The following RSRP1 variants were observed in gnomAD, a reference collection of about 807,000 sequenced individuals.
The protein encoded by RSRP1 is arginine/serine-rich protein 1.
A neutral mutation model predicts 33.0 loss-of-function variants in RSRP1; 37 were observed. The ratio of observed to expected loss-of-function variants is 1.12; its 90% CI spans 0.86 to 1.48. RSRP1 has a LOEUF of 1.48. Among genes scored for constraint, RSRP1 ranks in the 40% most tolerant of loss-of-function variants. The pLI is 0.00. For synonymous variants in RSRP1, 167 were observed against 158.7 expected (o/e 1.05, Z -0.40); for missense variants, 402 against 385.3 (o/e 1.04, Z -0.36).
At chr1:25,287,549 C>A (rs1642139052) in intron 1 of RSRP1, among the ~76,000 whole-genome samples, 1 of 134,608 alleles carries the variant, frequency 7.4e-6, no homozygotes, top group South Asian at 2.2e-4. Context: ...TGGCAACACT[C>A]CAGCTTGTGC....
intron 1 of RSRP1, among the ~76,000 whole-genome samples, chr1:25,262,104 CTG>C (rs1640176595): frequency 6.6e-6 from 1 of 152,172 alleles, no homozygotes; most frequent in Non-Finnish European, 1.5e-5. Flanking sequence ...ATTCTAGAAA[CTG>C]TTCCTGATTC....
At chr1:25,301,674 GA>G in intron 1 of RSRP1, 1 of 1,379,838 alleles carries the variant, frequency 7.2e-7, no homozygotes, top group Middle Eastern at 1.8e-4. Flanking sequence ...ACCCCCAAGG[GA>G]AGATCAGCAA....
At chr1:25,292,219 G>A (rs1299413186) in intron 1 of RSRP1, among the ~76,000 whole-genome samples, 2 of 132,492 alleles carry the variant, frequency 1.5e-5, no homozygotes, top group African/African-American at 2.6e-5. Flanking sequence ...TGTCCCAAAG[G>A]ACTTTGGATT....
intron 1 of RSRP1, among the ~76,000 whole-genome samples, chr1:25,269,744 G>A (rs1640436995): frequency 7.5e-6 from 1 of 132,454 alleles, no homozygotes; most frequent in African/African-American, 2.6e-5. Context: ...AAATCTGTTG[G>A]GAGAGGCCAA....
In RSRP1 at chr1:25,290,948, A is replaced by C. The variant is rs534080655; in HGVS notation, c.-66-43919T>G. 3.6e-4 allele frequency among the ~76,000 whole-genome samples: 47 copies of C among 131,246 alleles called. 11 individuals are homozygous for C. The highest frequency in any genetic ancestry group is 1.2e-3 in the South Asian group (5 of 4,246). 86.1% of individuals were successfully genotyped at this position (131,246 alleles called of 152,430 possible). On this transcript the variant is annotated intron_variant, in intron 1 of 1. Transcript: ENST00000561867. Reference sequence around the variant, plus strand: ...CACTTGAGGCCAGGAGTTTGAGACCAGCCTGGGCATCATAGCAAGATCCTC... The same window carrying C: ...CACTTGAGGCCAGGAGTTTGAGACCCGCCTGGGCATCATAGCAAGATCCTC...
chr1:25,307,459 G>C (rs943375643), intron 1 of RSRP1, among the ~76,000 whole-genome samples: 4 of 132,584 alleles, frequency 3.0e-5, no homozygotes, highest in Admixed American at 2.9e-4. Context: ...GATTTTTAGA[G>C]ATGAACTGGT....
At position 25,285,134 on chromosome 1, in the gene RSRP1, A is replaced by ATTTT. The variant is rs869147845; in HGVS notation, c.-66-38109_-66-38106dup. On this transcript the variant is annotated intron_variant, in intron 1 of 1. Transcript: ENST00000561867. ...CATGCCACACCTAGAGAGACATTCTATTTTTTTTTTTTTTTTTGAGACGGA... is the reference window on the plus strand; with the variant it reads ...CATGCCACACCTAGAGAGACATTCTATTTTTTTTTTTTTTTTTTTTTGAGACGGA... Among the ~76,000 whole-genome samples, 361 of 120,752 alleles carry ATTTT rather than the reference A, an allele frequency of 3.0e-3. 21 individuals carry two copies. Among genetic ancestry groups the ATTTT allele is most frequent in the African/African-American group, 9.5e-3 (318 of 33,552 alleles). 79.2% of individuals were successfully genotyped at this position (120,752 alleles called of 152,430 possible).
At chr1:25,260,826 C>T (rs1640111903) in intron 1 of RSRP1, among the ~76,000 whole-genome samples, 1 of 149,116 alleles carries the variant, frequency 6.7e-6, no homozygotes, top group Admixed American at 6.7e-5. Context: ...GAGACAGAGT[C>T]TCGCTCTATC....
At chr1:25,337,179 G>T (rs1240181262) in intron 1 of RSRP1, 1 of 151,558 alleles carries the variant, frequency 6.6e-6, no homozygotes, top group Non-Finnish European at 1.5e-5. Flanking sequence ...GTGCCCTTCT[G>T]CACACGACCT....
chr1:25,265,969 C>A (rs1419021096), intron 1 of RSRP1: 1 of 85,092 alleles, frequency 1.2e-5, no homozygotes, highest in Non-Finnish European at 3.0e-5. Flanking sequence ...AGGCAAAAAA[C>A]TAAAGAAATC....
rs532623954 is a variant in RSRP1, at chr1:25,319,960, G to A, written c.-67+18018C>T. 1.9e-4 allele frequency among the ~76,000 whole-genome samples: 25 copies of A among 130,758 alleles called. 6 individuals carry two copies. The South Asian group carries it at 4.2e-3, about 22-fold the overall frequency. The allele number at this position is 130,758 out of a possible 152,430, so 85.8% of individuals were successfully genotyped here. ...GTTGCCCAGGCTGGAGTGCAATGGC[G>A]CTATCTCGGCTCACTACAACCTCAG... On this transcript the variant is annotated intron_variant, in intron 1 of 1. Coordinates refer to the RSRP1 transcript ENST00000561867.
At position 25,266,840 on chromosome 1, in the gene RSRP1, GT is replaced by G. The variant is rs1460380890; in HGVS notation, c.-66-19812del. On this transcript the variant is annotated intron_variant, in intron 1 of 1. Transcript: ENST00000561867. ...CAACGCCGTCTCTGTGTGATCGCAT[GT>G]GCCCTTCTGCACACGACCTTCCCCC... 2 of 124,442 alleles carry G rather than the reference GT, an allele frequency of 1.6e-5. 1 individual carries two copies. The highest frequency in any genetic ancestry group is 3.7e-5 in the Non-Finnish European group (2 of 54,040). 7.7% of individuals were successfully genotyped at this position (124,442 alleles called of 1,614,324 possible).
chr1:25,303,554 G>C, intron 1 of RSRP1: 1 of 1,180,002 alleles, frequency 8.5e-7, no homozygotes. Flanking sequence ...AGCTGCATTA[G>C]GCAGGTGTCG....
chr1:25,298,280 CTCT>C, intron 1 of RSRP1, among the ~76,000 whole-genome samples: 1 of 115,472 alleles, frequency 8.7e-6, no homozygotes, highest in African/African-American at 2.7e-5. Context: ...GAGCCCGAAC[CTCT>C]TCCTGCTTTG....
In RSRP1 at chr1:25,306,523, G is replaced by C. The variant is rs1359342809; in HGVS notation, c.-67+31455C>G. ...CCCCTTTGGTGGCCCCGGATACCAAGGGTGTGTGAAAGGGGTGGGTAGGGA... is the reference window on the plus strand; with the variant it reads ...CCCCTTTGGTGGCCCCGGATACCAACGGTGTGTGAAAGGGGTGGGTAGGGA... On this transcript the variant is annotated intron_variant, in intron 1 of 1. Coordinates refer to the RSRP1 transcript ENST00000561867. 1.2e-5 allele frequency: 16 copies of C among 1,298,180 alleles called. 4 individuals carry two copies. The highest frequency in any genetic ancestry group is 2.3e-5 in the East Asian group (1 of 44,248). The allele number at this position is 1,298,180 out of a possible 1,614,324, so 80.4% of individuals were successfully genotyped here.
chr1:25,298,999 C>A (rs771460007), intron 1 of RSRP1, among the ~76,000 whole-genome samples: 1 of 117,764 alleles, frequency 8.5e-6, no homozygotes, highest in Non-Finnish European at 1.9e-5. Flanking sequence ...CTGAGAACAG[C>A]GGCAGAACAA....
intron 1 of RSRP1, among the ~76,000 whole-genome samples, chr1:25,278,176 T>C (rs1641182497): frequency 7.7e-6 from 1 of 129,316 alleles, no homozygotes; most frequent in African/African-American, 2.6e-5. Flanking sequence ...AGGAGATAAG[T>C]CAGCTGTACT....
intron 1 of RSRP1, among the ~76,000 whole-genome samples, chr1:25,280,239 G>A (rs1641354063): frequency 7.8e-6 from 1 of 128,188 alleles, no homozygotes; most frequent in Admixed American, 7.6e-5. Flanking sequence ...TGGAATCAGG[G>A]AATCGGGATC....
intron 1 of RSRP1, among the ~76,000 whole-genome samples, chr1:25,323,238 T>A (rs1348898084): frequency 1.4e-5 from 1 of 70,592 alleles, no homozygotes; most frequent in African/African-American, 4.5e-5. Flanking sequence ...TAAGAGAGAG[T>A]CAATCAAGTT....
Sources: allele counts gnomAD v4.1 joint callset (sites outside exome capture counted in the v4.1 genomes callset), GRCh38; gene constraint gnomAD v4.1.1; transcripts MANE v1.5; gene names NCBI Gene and HGNC (gene_info 2026-07-23, HGNC 2026-07-21).